The following GALNT5 variants were observed in gnomAD, a reference collection of about 807,000 sequenced individuals.
GALNT5 encodes the protein polypeptide N-acetylgalactosaminyltransferase 5.
GALNT5 carries 72 observed loss-of-function variants against 85.4 expected under a neutral mutation model. The ratio of observed to expected loss-of-function variants is 0.84; its 90% CI spans 0.70 to 1.03. GALNT5 has a LOEUF of 1.03. Ranked by LOEUF, GALNT5 falls within the 50% of genes least tolerant of loss-of-function variation. The probability of loss-of-function intolerance (pLI) is 0.00; values close to 1 mark genes in which losing one functional copy is unlikely to be tolerated. For missense variants in GALNT5, 1,137 were observed against 1,135.5 expected (o/e 1.00, Z -0.02); for synonymous variants, 404 against 397.0 (o/e 1.02, Z -0.21).
chr2:157,274,668 A>G (rs995446966), intron 1 of GALNT5, among the ~76,000 whole-genome samples: 2 of 151,804 alleles, frequency 1.3e-5, no homozygotes, highest in Non-Finnish European at 2.9e-5. Context: ...CCACTTTTTG[A>G]TGGGGTTGTT....
At chr2:157,300,566 TGAG>T in intron 6 of GALNT5, 107 bp from the exon 7 acceptor site, 1 of 782,368 alleles carries the variant, frequency 1.3e-6, no homozygotes, top group South Asian at 1.7e-5. Context: ...TTTTTGAAGT[TGAG>T]TATTACTTCA....
rs558838462 is a variant in GALNT5, at chr2:157,294,856, G to A, written c.1742-807G>A. Among the ~76,000 whole-genome samples, 10 of 151,386 alleles carry A rather than the reference G, an allele frequency of 6.6e-5. No homozygotes were observed. The East Asian group carries it at 1.9e-3, about 30-fold the overall frequency. On this transcript the variant is annotated intron_variant, in intron 3 of 9. Coordinates refer to ENST00000259056, the MANE Select transcript of GALNT5 (RefSeq NM_014568.3). ...GTATAAGATCCTCTGGAGCAATGTA[G>A]ATGCTACTGAGGTTTCAATGGAGAG... is the stretch of plus-strand genomic sequence containing the variant.
intron 7 of GALNT5, among the ~76,000 whole-genome samples, chr2:157,304,429 G>A (rs1481453214): frequency 6.6e-6 from 1 of 152,204 alleles, no homozygotes; most frequent in Non-Finnish European, 1.5e-5. Context: ...TGCCTTGAAA[G>A]TCTGTGATGG....
chr2:157,292,263 G>A (rs1484355476), intron 3 of GALNT5, among the ~76,000 whole-genome samples: 1 of 152,150 alleles, frequency 6.6e-6, no homozygotes, highest in East Asian at 1.9e-4. Context: ...CAGGAACAGT[G>A]CGTACAATGT....
rs1682221518 is a variant in GALNT5 at position 157,257,906 on chromosome 2, G to A, written c.-177G>A. 2 of 652,100 alleles carry A rather than the reference G, an allele frequency of 3.1e-6. No individual in the cohort carries two copies. Among genetic ancestry groups the A allele is most frequent in the African/African-American group, 3.6e-5 (2 of 55,822 alleles). The allele number at this position is 652,100 out of a possible 1,614,324, so 40.4% of individuals were successfully genotyped here. A position where few individuals can be genotyped will look rare whatever the true frequency, so the allele number is the denominator to read the frequency against. On this transcript the variant is annotated 5_prime_UTR_variant, in exon 1 of 10. The change abolishes the stop of an existing upstream ORF in the 5' untranslated region. Coordinates refer to ENST00000259056, the MANE Select transcript of GALNT5 (RefSeq NM_014568.3). Reference sequence around the variant, plus strand: ...ATGAAATGCCACGCAGGCAGAGACTGACAAGCGGTAGGAACTGAGCTTTCC... The same window carrying A: ...ATGAAATGCCACGCAGGCAGAGACTAACAAGCGGTAGGAACTGAGCTTTCC...
At chr2:157,263,212 C>T (rs1167769750) in intron 1 of GALNT5, among the ~76,000 whole-genome samples, 1 of 148,364 alleles carries the variant, frequency 6.7e-6, no homozygotes, top group African/African-American at 2.6e-5. Flanking sequence ...TGTTTCTCCC[C>T]TTTGTGGTAT....
At position 157,258,643 on chromosome 2, in the gene GALNT5, C is replaced by T. The variant is rs777676767; in HGVS notation, c.561C>T (p.His187=). ...KGTQVVKISV[H]MGRVSLKQEP... ...CTCAGGTAGTCAAAATATCAGTACA[C>T]ATGGGACGTGTCAGTTTAAAACAGG... Residue 187 remains histidine, a synonymous_variant, in exon 1 of 10, where the codon CAC becomes CAT. Transcript: ENST00000259056. 1 of 1,613,720 alleles carries T rather than the reference C, an allele frequency of 6.2e-7. No individual in the cohort carries two copies. The highest frequency in any genetic ancestry group is 8.5e-7 in the Non-Finnish European group (1 of 1,179,910).
chr2:157,268,972 A>T (rs767235249), intron 1 of GALNT5, among the ~76,000 whole-genome samples: 1 of 152,216 alleles, frequency 6.6e-6, no homozygotes, highest in Non-Finnish European at 1.5e-5. Context: ...TTCTCCTCCC[A>T]TGATATAGGC....
chr2:157,291,458 G>A (rs1683095711), intron 3 of GALNT5, among the ~76,000 whole-genome samples: 1 of 152,134 alleles, frequency 6.6e-6, no homozygotes. Flanking sequence ...GAGGCATTAT[G>A]TAAAATTAAA....
At chr2:157,291,160 C>A (rs1049513992) in intron 3 of GALNT5, among the ~76,000 whole-genome samples, 1 of 152,290 alleles carries the variant, frequency 6.6e-6, no homozygotes, top group Non-Finnish European at 1.5e-5. Flanking sequence ...TAGTATGGAA[C>A]AGACCAAGTG....
intron 9 of GALNT5, 112 bp downstream of exon 9, chr2:157,308,840 C>A: frequency 2.6e-6 from 2 of 778,932 alleles, no homozygotes; most frequent in South Asian, 2.0e-5. Flanking sequence ...TGTTTGTGAC[C>A]ATGGGATTAT....
intron 1 of GALNT5, among the ~76,000 whole-genome samples, chr2:157,261,430 C>T (rs1179997875): frequency 6.6e-6 from 1 of 152,210 alleles, no homozygotes; most frequent in Non-Finnish European, 1.5e-5. Context: ...TACAGTCAGG[C>T]TCTGTCTTCT....
Position 157,311,407 on chromosome 2 carries a change from C to T in GALNT5, c.*59C>T, listed in dbSNP as rs1202938398. ...TAAATACTGTGAAAATAACACTGAA[C>T]TTGGAAACTATATTTCTCAGCGGTA... On this transcript the variant is annotated 3_prime_UTR_variant, in exon 10 of 10. Transcript: ENST00000259056. 8 of 1,114,502 alleles carry T rather than the reference C, an allele frequency of 7.2e-6. No individual in the cohort carries two copies. Among genetic ancestry groups the T allele is most frequent in the Non-Finnish European group, 1.0e-5 (8 of 780,500 alleles). The allele number at this position is 1,114,502 out of a possible 1,614,324, so 69.0% of individuals were successfully genotyped here. A position where few individuals can be genotyped will look rare whatever the true frequency, so the allele number is the denominator to read the frequency against.
chr2:157,290,541 A>G (rs968097647), intron 3 of GALNT5, among the ~76,000 whole-genome samples: 1 of 152,128 alleles, frequency 6.6e-6, no homozygotes. Flanking sequence ...TAAGTAAGAG[A>G]CTAAGGGCCT....
chr2:157,275,810 C>A (rs190438238), intron 1 of GALNT5, among the ~76,000 whole-genome samples: 3 of 152,060 alleles, frequency 2.0e-5, no homozygotes, highest in Admixed American at 6.6e-5. Context: ...AATTGAATAC[C>A]CTTTATTTCT....
rs1292694926 is a variant in GALNT5 at position 157,317,198 on chromosome 2, A to ATATTTT, written c.*5851_*5852insATTTTT. On this transcript the variant is annotated 3_prime_UTR_variant, in exon 10 of 10. Transcript: ENST00000259056. ...TGTATATATATATATATATATATAT[A>ATATTTT]TTTTTTTTTTTGATGCTTTGATCTG... Among the ~76,000 whole-genome samples the ATATTTT allele has an allele frequency of 3.1e-4, 41 of 132,976 alleles. 1 individual carries two copies. In the East Asian group the frequency reaches 4.3e-3, roughly 14 times the overall value. 87.2% of individuals were successfully genotyped at this position (132,976 alleles called of 152,430 possible). A position where few individuals can be genotyped will look rare whatever the true frequency, so the allele number is the denominator to read the frequency against.
In GALNT5 at chr2:157,289,917, C is replaced by CA. The variant is rs1022691765; in HGVS notation, c.1741+3790dup. Among the ~76,000 whole-genome samples the CA allele has an allele frequency of 1.1e-4, 17 of 151,460 alleles. No individual in the cohort carries two copies. The South Asian group carries it at 3.3e-3, about 30-fold the overall frequency. ...CAAAACCCTGTCTCTACTAAAAATA[C>CA]AAAAAAATTAGCTGGGAGTGGTGGC... On this transcript the variant is annotated intron_variant, in intron 3 of 9. Coordinates refer to ENST00000259056, the MANE Select transcript of GALNT5 (RefSeq NM_014568.3).
At chr2:157,276,280 CTCT>C (rs1682723958) in intron 1 of GALNT5, among the ~76,000 whole-genome samples, 1 of 151,978 alleles carries the variant, frequency 6.6e-6, no homozygotes, top group Non-Finnish European at 1.5e-5. Context: ...GTCTAAAATT[CTCT>C]TTTTTTGTTG....
rs763924316 is a variant in GALNT5, at chr2:157,307,227, T to C, written c.2521-1340T>C. ...ATTTTTAGCTTCTGCCTCTTGTGGTTTGCTTGGGTAATAAAAAGTAAAGAA... is the reference window on the plus strand; with the variant it reads ...ATTTTTAGCTTCTGCCTCTTGTGGTCTGCTTGGGTAATAAAAAGTAAAGAA... On this transcript the variant is annotated intron_variant, in intron 8 of 9. Coordinates refer to ENST00000259056, the MANE Select transcript of GALNT5 (RefSeq NM_014568.3). Among the ~76,000 whole-genome samples, 45 of 152,152 alleles carry C rather than the reference T, an allele frequency of 3.0e-4. 1 individual carries two copies. The highest frequency in any genetic ancestry group is 5.1e-4 in the Non-Finnish European group (35 of 68,034).
Sources: gnomAD v4.1 joint callset for allele counts (sites outside exome capture counted in the v4.1 genomes callset) on GRCh38, gnomAD v4.1.1 for gene constraint, MANE v1.5 for transcripts, NCBI Gene and HGNC (gene_info 2026-07-23, HGNC 2026-07-21) for gene names.